Variants in BACH2 observed in about 807,000 individuals in gnomAD.
The protein encoded by BACH2 is BACH transcriptional regulator 2.
A neutral mutation model predicts 61.8 loss-of-function variants in BACH2; 5 were observed. That is an observed-to-expected ratio of 0.08 (90% confidence interval 0.04 to 0.17). The LOEUF (loss-of-function observed/expected upper bound fraction) is 0.17, where lower values mean the gene tolerates loss of function less well. Among genes scored for constraint, BACH2 ranks in the 10% least tolerant of loss-of-function variants. BACH2 has a pLI of 1.00. For missense variants in BACH2, 824 were observed against 1,091.1 expected (o/e 0.76, Z 3.45); for synonymous variants, 446 against 440.1 (o/e 1.01, Z -0.17).
chr6:90,061,085 A>G (rs1460333046), intron 5 of BACH2, among the ~76,000 whole-genome samples: 3 of 152,202 alleles, frequency 2.0e-5, no homozygotes, highest in Non-Finnish European at 4.4e-5. Context: ...AGAAAGTAGG[A>G]GAGTGACATC....
intron 7 of BACH2, among the ~76,000 whole-genome samples, chr6:89,946,088 G>A (rs979813309): frequency 5.3e-5 from 8 of 152,080 alleles, no homozygotes; most frequent in African/African-American, 1.9e-4. Flanking sequence ...GCAGACTAAG[G>A]GAATATCTAA....
intron 6 of BACH2, among the ~76,000 whole-genome samples, chr6:89,978,545 CT>C (rs764098970): frequency 2.7e-5 from 4 of 149,504 alleles, no homozygotes; most frequent in Non-Finnish European, 5.9e-5. Flanking sequence ...CCAGAGAAGG[CT>C]GCTCAGGCTC....
chr6:90,128,481 TG>T (rs1314860696), intron 4 of BACH2, among the ~76,000 whole-genome samples: 3 of 152,186 alleles, frequency 2.0e-5, no homozygotes, highest in African/African-American at 7.2e-5. Flanking sequence ...CTCAGGAGGC[TG>T]AGGCAGGAGA....
At chr6:90,010,997 A>G (rs1016652048) in intron 5 of BACH2, among the ~76,000 whole-genome samples, 3 of 152,224 alleles carry the variant, frequency 2.0e-5, no homozygotes, top group African/African-American at 7.2e-5. Flanking sequence ...TATCAGATAC[A>G]TGACTTGTAA....
At chr6:90,296,200 A>G (rs973995529) in intron 1 of BACH2, among the ~76,000 whole-genome samples, 1 of 151,912 alleles carries the variant, frequency 6.6e-6, no homozygotes, top group Admixed American at 6.6e-5. Context: ...GACGCCAGCA[A>G]AATACAATGC....
intron 3 of BACH2, among the ~76,000 whole-genome samples, chr6:90,236,098 T>C (rs1770253013): frequency 6.6e-6 from 1 of 152,256 alleles, no homozygotes; most frequent in Non-Finnish European, 1.5e-5. Context: ...CCTGTTTTAC[T>C]AACTAAATGC....
At chr6:90,011,401 T>C (rs574657618) in intron 5 of BACH2, among the ~76,000 whole-genome samples, 102 of 152,368 alleles carry the variant, frequency 6.7e-4, no homozygotes, top group African/African-American at 2.4e-3. Context: ...TTACTATTTT[T>C]ATGTTTGTCT....
At chr6:90,079,289 A>G (rs1781616893) in intron 5 of BACH2, among the ~76,000 whole-genome samples, 1 of 152,084 alleles carries the variant, frequency 6.6e-6, no homozygotes, top group South Asian at 2.1e-4. Context: ...CCCTCCTCCA[A>G]CCAAACACAC....
chr6:90,107,217 C>T (rs921810297), intron 4 of BACH2, among the ~76,000 whole-genome samples: 14 of 151,886 alleles, frequency 9.2e-5, no homozygotes, highest in Admixed American at 8.5e-4. Flanking sequence ...ACTAAAAATA[C>T]AAAAATTAGC....
At chr6:90,119,190 T>C (rs537961430) in intron 4 of BACH2, among the ~76,000 whole-genome samples, 8 of 152,208 alleles carry the variant, frequency 5.3e-5, no homozygotes, top group Non-Finnish European at 1.0e-4. Flanking sequence ...GGAACTTCTA[T>C]CTGCATGTTG....
intron 1 of BACH2, among the ~76,000 whole-genome samples, chr6:90,296,083 A>C (rs1772363289): frequency 6.6e-6 from 1 of 152,008 alleles, no homozygotes; most frequent in African/African-American, 2.4e-5. Flanking sequence ...CGCGGGTCTG[A>C]CAGCTGCTGC....
intron 6 of BACH2, among the ~76,000 whole-genome samples, chr6:89,990,628 C>A (rs943104360): frequency 6.6e-6 from 1 of 150,694 alleles, no homozygotes; most frequent in Non-Finnish European, 1.5e-5. Flanking sequence ...CCTCCCAATA[C>A]CCACCCCCAC....
chr6:89,956,792 T>C (rs1774450637), intron 6 of BACH2, among the ~76,000 whole-genome samples: 1 of 152,196 alleles, frequency 6.6e-6, no homozygotes, highest in Non-Finnish European at 1.5e-5. Context: ...ACTTGGAACA[T>C]CATTCTCTAT....
chr6:90,067,253 T>C (rs765829883), intron 5 of BACH2, among the ~76,000 whole-genome samples: 13 of 152,118 alleles, frequency 8.5e-5, no homozygotes, highest in Non-Finnish European at 1.9e-4. Flanking sequence ...GGAACAGAGA[T>C]AAAAGACGGA....
intron 5 of BACH2, among the ~76,000 whole-genome samples, chr6:90,023,977 G>T (rs957155505): frequency 1.1e-4 from 17 of 152,196 alleles, no homozygotes; most frequent in Non-Finnish European, 2.2e-4. Flanking sequence ...ATAAAGAAAA[G>T]ACTCAGAATA....
chr6:90,182,978 C>T (rs1274126653), intron 4 of BACH2, among the ~76,000 whole-genome samples: 1 of 152,138 alleles, frequency 6.6e-6, no homozygotes, highest in East Asian at 1.9e-4. Flanking sequence ...ATATTTTGAA[C>T]TTAAAACTGC....
chr6:90,263,392 A>G (rs898517503), intron 2 of BACH2, among the ~76,000 whole-genome samples: 4 of 152,222 alleles, frequency 2.6e-5, no homozygotes, highest in Non-Finnish European at 5.9e-5. Context: ...AAAAAATTTG[A>G]AAAATAAATC....
intron 4 of BACH2, among the ~76,000 whole-genome samples, chr6:90,180,121 T>A (rs1768108528): frequency 6.6e-6 from 1 of 152,136 alleles, no homozygotes; most frequent in Non-Finnish European, 1.5e-5. Context: ...ACTTTAATAA[T>A]TTCAGAAGTA....
intron 6 of BACH2, among the ~76,000 whole-genome samples, chr6:89,969,220 A>G (rs1737436547): frequency 6.6e-6 from 1 of 151,502 alleles, no homozygotes; most frequent in Non-Finnish European, 1.5e-5. Context: ...CGCCCAGCTA[A>G]TTTTTTTGTA....
Sources: gnomAD v4.1 joint callset for allele counts (sites outside exome capture counted in the v4.1 genomes callset) on GRCh38, gnomAD v4.1.1 for gene constraint, MANE v1.5 for transcripts, NCBI Gene and HGNC (gene_info 2026-07-23, HGNC 2026-07-21) for gene names.